HBEGF: variants seen among roughly 807,000 people sequenced by gnomAD.
HBEGF encodes the protein heparin binding EGF like growth factor.
HBEGF carries 8 observed loss-of-function variants against 19.5 expected under a neutral mutation model. The observed-to-expected ratio is 0.41, with a 90% CI of 0.24 to 0.74. HBEGF has a LOEUF of 0.74. Ranked by LOEUF, HBEGF falls within the 30% of genes least tolerant of loss-of-function variation. The pLI is 0.32. For synonymous variants in HBEGF, 97 were observed against 108.9 expected, an observed-to-expected ratio of 0.89 and a Z score of 0.68; for missense variants, 207 against 256.9, an observed-to-expected ratio of 0.81 and a Z score of 1.33.
chr5:140,334,529 G>A (rs1319282469), intron 5 of HBEGF, 129 bp downstream of exon 5: 2 of 716,260 alleles, frequency 2.8e-6, no homozygotes, highest in East Asian at 5.0e-5. Context: ...AAATAATTCT[G>A]CAATGGGATA....
At chr5:140,338,788 G>A (rs556354627) in intron 3 of HBEGF, among the ~76,000 whole-genome samples, 15 of 152,142 alleles carry the variant, frequency 9.9e-5, no homozygotes, top group Admixed American at 8.5e-4. Context: ...TCCCACCCAC[G>A]TCTGTGACCC....
In HBEGF at chr5:140,342,900, G is replaced by C. The variant is rs540197724; in HGVS notation, c.221-88C>G. On this transcript the variant is annotated intron_variant, in intron 2 of 5. Transcript: ENST00000230990. Reference sequence around the variant, plus strand: ...TGCTTGAAAGGAGTATATATGCTTTGATTCCACCTGAAGTCAGAGATCTGG... The same window carrying C: ...TGCTTGAAAGGAGTATATATGCTTTCATTCCACCTGAAGTCAGAGATCTGG... The C allele has an allele frequency of 1.6e-5, 22 of 1,335,686 alleles. No homozygotes were observed. The Admixed American group carries it at 2.7e-4, about 17-fold the overall frequency. 82.7% of individuals were successfully genotyped at this position (1,335,686 alleles called of 1,614,324 possible). A position where few individuals can be genotyped will look rare whatever the true frequency, so the allele number is the denominator to read the frequency against.
chr5:140,346,582 C>T lies in HBEGF; in HGVS notation c.-254G>A, dbSNP rs1766404591. The T allele has an allele frequency of 1.9e-6, 1 of 535,862 alleles. No individual in the cohort carries two copies. Among genetic ancestry groups the T allele is most frequent in the South Asian group, 2.4e-5 (1 of 42,012 alleles). 33.2% of individuals were successfully genotyped at this position (535,862 alleles called of 1,614,324 possible). A position where few individuals can be genotyped will look rare whatever the true frequency, so the allele number is the denominator to read the frequency against. Reference sequence around the variant, plus strand: ...GGTCAGGCCAGCCAGCAGCGTGGCCCGCGTAGCTCCTTCGGCCGAATGAGC... The same window carrying T: ...GGTCAGGCCAGCCAGCAGCGTGGCCTGCGTAGCTCCTTCGGCCGAATGAGC... On this transcript the variant is annotated 5_prime_UTR_variant, in exon 1 of 6. Coordinates refer to ENST00000230990, the MANE Select transcript of HBEGF (RefSeq NM_001945.3). The surrounding 1 kb of genome is among the most constrained non-coding windows in gnomAD (Gnocchi z 6.1).
chr5:140,338,308 G>T (rs977968987), intron 3 of HBEGF, among the ~76,000 whole-genome samples: 2 of 152,198 alleles, frequency 1.3e-5, no homozygotes, highest in Non-Finnish European at 2.9e-5. Flanking sequence ...TTTAAAGCCA[G>T]CTCTGTGAAG....
Position 140,335,888 on chromosome 5 carries a change from C to T in HBEGF, c.538G>A (p.Gly180Arg). ...AACACTCACCTAAACATGAGAAGCC[C>T]CACGATGACCAGCAGACAGACAGAT... Reference protein sequence around the residue: ...LSSVCLLVIVGLLMFRYHRRG... With the variant: ...LSSVCLLVIVRLLMFRYHRRG... The change falls in exon 4 of 6, where the codon GGG (glycine) becomes AGG (arginine). Residue 180 changes from glycine (G) to arginine (R), a missense_variant. Coordinates refer to ENST00000230990, the MANE Select transcript of HBEGF (RefSeq NM_001945.3). 1 of 1,614,024 alleles carries T rather than the reference C, an allele frequency of 6.2e-7. No homozygotes were observed. Among genetic ancestry groups the T allele is most frequent in the Non-Finnish European group, 8.5e-7 (1 of 1,179,974 alleles).
rs1160533557 is a variant in HBEGF, at chr5:140,336,828, C to CTT, written c.399-803_399-802dup. The stretch of plus-strand genomic sequence containing the variant: ...GCAACTGCCTTTTCTTTTTCTTTTT[C>CTT]TTTTTTTTTTTTTTTTTTTGAGACA... On this transcript the variant is annotated intron_variant, in intron 3 of 5. Transcript: ENST00000230990. Among the ~76,000 whole-genome samples the CTT allele has an allele frequency of 2.5e-3, 323 of 129,778 alleles. 3 individuals are homozygous for CTT. The highest frequency in any genetic ancestry group is 0.017 in the South Asian group (72 of 4,152). 85.1% of individuals were successfully genotyped at this position (129,778 alleles called of 152,430 possible). A position where few individuals can be genotyped will look rare whatever the true frequency, so the allele number is the denominator to read the frequency against.
intron 4 of HBEGF, 82 bp downstream of exon 4, chr5:140,335,790 G>C: frequency 7.0e-7 from 1 of 1,419,890 alleles, no homozygotes; most frequent in Non-Finnish European, 9.7e-7. Flanking sequence ...GGAAGTGCAT[G>C]TGACCATCAA....
intron 3 of HBEGF, among the ~76,000 whole-genome samples, chr5:140,340,853 A>G (rs1766301050): frequency 6.6e-6 from 1 of 152,188 alleles, no homozygotes; most frequent in Non-Finnish European, 1.5e-5. Context: ...GGAGTCAGGT[A>G]CTGAGACTCT....
chr5:140,335,968 C>T lies in HBEGF; in HGVS notation c.458G>A (p.Arg153His), dbSNP rs1369336477. 16 of 1,614,142 alleles carry T rather than the reference C, an allele frequency of 9.9e-6. No individual in the cohort carries two copies. In the South Asian group the frequency reaches 1.3e-4, roughly 13 times the overall value. ...CHGLSLPVEN[R>H]LYTYDHTTIL... Reference sequence around the variant, plus strand: ...GGTTGTGTGGTCATAGGTATATAAGCGATTTTCCACTGGGAGGCTCAGCCC... The same window carrying T: ...GGTTGTGTGGTCATAGGTATATAAGTGATTTTCCACTGGGAGGCTCAGCCC... Residue 153 changes from arginine (R) to histidine (H), a missense_variant, in exon 4 of 6, where the codon CGC (arginine) becomes CAC (histidine). Transcript: ENST00000230990.
At chr5:140,340,416 C>T (rs566003530) in intron 3 of HBEGF, among the ~76,000 whole-genome samples, 30 of 151,866 alleles carry the variant, frequency 2.0e-4, no homozygotes, top group African/African-American at 7.2e-4. Context: ...TACGTCTCTA[C>T]TAAAAATATA....
In HBEGF at chr5:140,346,332, C is replaced by G; in HGVS notation, c.-4G>C. 6.2e-7 allele frequency: 1 copy of G among 1,608,080 alleles called. No individual in the cohort carries two copies. Among genetic ancestry groups the G allele is most frequent in the Non-Finnish European group, 8.5e-7 (1 of 1,177,658 alleles). On this transcript the variant is annotated 5_prime_UTR_variant, in exon 1 of 6. Coordinates refer to ENST00000230990, the MANE Select transcript of HBEGF (RefSeq NM_001945.3). The surrounding 1 kb of genome is among the most constrained non-coding windows in gnomAD (Gnocchi z 6.1). ...CCACCGACGGCAGCAGCTTCATGGT[C>G]CCGCACCGAGAGGAGGCGGCGAGGC...
At chr5:140,336,099 A>G in intron 3 of HBEGF, 72 bp from the exon 4 acceptor site, 1 of 1,488,060 alleles carries the variant, frequency 6.7e-7, no homozygotes, top group Admixed American at 1.8e-5. Context: ...CCACCTGCAT[A>G]AGCCAAACCC....
At chr5:140,345,805 C>T in intron 2 of HBEGF, 106 bp downstream of exon 2, 1 of 1,392,340 alleles carries the variant, frequency 7.2e-7, no homozygotes, top group Non-Finnish European at 1.0e-6. Flanking sequence ...CGAGGTTCTC[C>T]ATGAATACCC....
chr5:140,339,881 T>G lies in HBEGF; in HGVS notation c.398+2754A>C, dbSNP rs1325035691. Among the ~76,000 whole-genome samples, 3 of 152,186 alleles carry G rather than the reference T, an allele frequency of 2.0e-5. No individual in the cohort carries two copies. The East Asian group carries it at 5.8e-4, about 29-fold the overall frequency. On this transcript the variant is annotated intron_variant, in intron 3 of 5. Transcript: ENST00000230990. The stretch of plus-strand genomic sequence containing the variant: ...AGCCACAAAGATCCCCAGATGAACG[T>G]GCACAGATGTCACATTCCCCCAAAC...
At chr5:140,344,466 A>G (rs1035308153) in intron 2 of HBEGF, among the ~76,000 whole-genome samples, 1 of 152,232 alleles carries the variant, frequency 6.6e-6, no homozygotes, top group Admixed American at 6.5e-5. Flanking sequence ...GGTTGCTATA[A>G]GTGTTACATT....
At chr5:140,340,557 T>G (rs1281888891) in intron 3 of HBEGF, among the ~76,000 whole-genome samples, 5 of 118,346 alleles carry the variant, frequency 4.2e-5, no homozygotes, top group African/African-American at 6.9e-5. Context: ...CACCCCAGCA[T>G]GGGAGACAGA....
chr5:140,341,874 C>T (rs574627911), intron 3 of HBEGF, among the ~76,000 whole-genome samples: 6 of 152,164 alleles, frequency 3.9e-5, no homozygotes, highest in Non-Finnish European at 7.4e-5. Flanking sequence ...CCAAGGCAGC[C>T]GTTTGCTGGG....
In HBEGF at chr5:140,334,708, T is replaced by C. The variant is rs1209454114; in HGVS notation, c.595A>G (p.Lys199Glu). 1.2e-6 allele frequency: 2 copies of C among 1,613,860 alleles called. No individual in the cohort carries two copies. The highest frequency in any genetic ancestry group is 1.3e-5 in the African/African-American group (1 of 74,928). Reference sequence around the variant, plus strand: ...GAATTAGTCATGCCCAACTTCACTTTCTCTTCATTTTCCACATCATAACCT... The same window carrying C: ...GAATTAGTCATGCCCAACTTCACTTCCTCTTCATTTTCCACATCATAACCT... ...RGGYDVENEEKVKLGMTNSH is the reference protein window; with the variant it reads ...RGGYDVENEEEVKLGMTNSH The change falls in exon 5 of 6, where the codon AAA (lysine) becomes GAA (glutamate). Residue 199 changes from lysine to glutamate, a missense_variant. Coordinates refer to ENST00000230990, the MANE Select transcript of HBEGF (RefSeq NM_001945.3).
intron 4 of HBEGF, 122 bp downstream of exon 4, chr5:140,335,750 G>A (rs1156972956): frequency 2.3e-5 from 24 of 1,060,538 alleles, no homozygotes; most frequent in Admixed American, 4.7e-5. Context: ...TCTACACCCC[G>A]GAGCTAGCCC....
Sources: gnomAD v4.1 joint callset for allele counts (sites outside exome capture counted in the v4.1 genomes callset) on GRCh38, gnomAD v4.1.1 for gene constraint, Gnocchi (gnomAD v3.1) non-coding constraint, MANE v1.5 for transcripts, NCBI Gene and HGNC (gene_info 2026-07-23, HGNC 2026-07-21) for gene names.